EPB41L1: variants seen among roughly 807,000 people sequenced by gnomAD.
EPB41L1 encodes the protein erythrocyte membrane protein band 4.1 like 1.
A neutral mutation model predicts 97.8 loss-of-function variants in EPB41L1; 29 were observed. The ratio of observed to expected loss-of-function variants is 0.30; its 90% CI spans 0.22 to 0.40. The LOEUF (loss-of-function observed/expected upper bound fraction) is 0.40, where lower values mean the gene tolerates loss of function less well. Ranked by LOEUF, EPB41L1 falls within the 10% of genes least tolerant of loss-of-function variation. EPB41L1 has a pLI of 1.00. For missense variants in EPB41L1, 812 were observed against 1,162.3 expected, an observed-to-expected ratio of 0.70 and a Z score of 4.38; for synonymous variants, 383 against 459.2, an observed-to-expected ratio of 0.83 and a Z score of 2.12.
intron 2 of EPB41L1, among the ~76,000 whole-genome samples, chr20:36,142,671 A>G (rs572083336): frequency 3.3e-5 from 5 of 152,300 alleles, no homozygotes; most frequent in Non-Finnish European, 4.4e-5. Flanking sequence ...AGGACTTTGC[A>G]AAGAGAGGCC....
At chr20:36,221,201 A>G (rs1305196873) in intron 19 of EPB41L1, among the ~76,000 whole-genome samples, 4 of 152,222 alleles carry the variant, frequency 2.6e-5, no homozygotes, top group Non-Finnish European at 5.9e-5. Context: ...TAACATGCCA[A>G]ACAATTAGGT....
chr20:36,222,068 T>G (rs2063814981), intron 20 of EPB41L1, 124 bp downstream of exon 20: 2 of 1,149,402 alleles, frequency 1.7e-6, no homozygotes, highest in Admixed American at 1.7e-5. Context: ...CTGACCCTGT[T>G]CAGATAAGAA....
chr20:36,207,697 T>C lies in EPB41L1; in HGVS notation c.1669-1791T>C, dbSNP rs1445233555. 3 of 1,289,964 alleles carry C rather than the reference T, an allele frequency of 2.3e-6. No homozygotes were observed. 79.9% of individuals were successfully genotyped at this position (1,289,964 alleles called of 1,614,324 possible). A position where few individuals can be genotyped will look rare whatever the true frequency, so the allele number is the denominator to read the frequency against. The stretch of plus-strand genomic sequence containing the variant: ...CTTCAGGGAGGACACTTCTGCATCC[T>C]ACCAGGAAGCACACACGGAACTAGA... On this transcript the variant is annotated intron_variant, in intron 14 of 21. Coordinates refer to ENST00000338074, the MANE Select transcript of EPB41L1 (RefSeq NM_012156.2). The surrounding 1 kb of genome is among the most constrained non-coding windows in gnomAD (Gnocchi z 4.9).
At chr20:36,182,478 A>G in intron 6 of EPB41L1, 131 bp downstream of exon 6, 1 of 943,580 alleles carries the variant, frequency 1.1e-6, no homozygotes, top group Non-Finnish European at 1.7e-6. Flanking sequence ...TCAGGCAGAC[A>G]GCATCGTACA....
chr20:36,140,250 T>A (rs866073824), intron 2 of EPB41L1, among the ~76,000 whole-genome samples: 4 of 149,704 alleles, frequency 2.7e-5, no homozygotes, highest in African/African-American at 7.4e-5. Flanking sequence ...TTTTTTTTTT[T>A]AGTAGGGATG....
intron 1 of EPB41L1, among the ~76,000 whole-genome samples, chr20:36,096,637 C>T (rs1379531438): frequency 6.6e-6 from 1 of 152,204 alleles, no homozygotes; most frequent in Non-Finnish European, 1.5e-5. Flanking sequence ...GGGCCTTTGC[C>T]AACTCTCTAG....
rs1245311580 is a variant in EPB41L1, at chr20:36,194,446, C to T, written c.1449+86C>T. The T allele has an allele frequency of 2.1e-5, 32 of 1,514,284 alleles. No homozygotes were observed. In the South Asian group the frequency reaches 2.8e-4, roughly 13 times the overall value. The allele number at this position is 1,514,284 out of a possible 1,614,324, so 93.8% of individuals were successfully genotyped here. On this transcript the variant is annotated intron_variant, in intron 12 of 21. Transcript: ENST00000338074. ...AGCCTCGGCCTTGACCTTCACATGC[C>T]TCCAGCTGTGGCCAAGCACCCTTAC...
chr20:36,102,036 C>CAAAACAAAACAAAAAAAAACA (rs145505987), intron 1 of EPB41L1, among the ~76,000 whole-genome samples: 128 of 148,812 alleles, frequency 8.6e-4, no homozygotes, highest in African/African-American at 2.9e-3. Flanking sequence ...CAAAACAAAA[C>CAAAACAAAACAAAAAAAAACA]AAAAAAAACA....
intron 17 of EPB41L1, among the ~76,000 whole-genome samples, chr20:36,215,772 A>G (rs141576036): frequency 7.9e-5 from 12 of 152,312 alleles, no homozygotes; most frequent in South Asian, 6.2e-4. Context: ...TCTGCCTGGT[A>G]TGGGGGATAC....
At chr20:36,177,930 G>C in intron 3 of EPB41L1, 22 bp from the exon 4 acceptor site, 1 of 1,603,446 alleles carries the variant, frequency 6.2e-7, no homozygotes, top group South Asian at 1.1e-5. Context: ...CAGCCTCATA[G>C]CTGCTCTGCT....
intron 1 of EPB41L1, among the ~76,000 whole-genome samples, chr20:36,094,167 T>C (rs937162620): frequency 6.6e-6 from 1 of 152,202 alleles, no homozygotes; most frequent in African/African-American, 2.4e-5. Context: ...ACAGTGAAAA[T>C]GTATCTCTTG....
In EPB41L1 at chr20:36,158,997, C is replaced by T. The variant is rs560960503; in HGVS notation, c.-15+4101C>T. On this transcript the variant is annotated intron_variant, in intron 1 of 21. Transcript: ENST00000338074. Reference sequence around the variant, plus strand: ...CGTATGATCCACAGGAGAGGGTGGACGTGATCTTACAGGAGAAACCTTAAC... The same window carrying T: ...CGTATGATCCACAGGAGAGGGTGGATGTGATCTTACAGGAGAAACCTTAAC... Among the ~76,000 whole-genome samples the T allele has an allele frequency of 1.1e-4, 16 of 152,198 alleles. No individual in the cohort carries two copies. In the South Asian group the frequency reaches 2.5e-3, roughly 24 times the overall value.
chr20:36,105,726 T>A (rs2056585637), intron 1 of EPB41L1, among the ~76,000 whole-genome samples: 1 of 152,154 alleles, frequency 6.6e-6, no homozygotes, highest in South Asian at 2.1e-4. Flanking sequence ...CAAATGCCCC[T>A]AGCCCCAGAT....
chr20:36,094,487 GAGA>G (rs1231842834), intron 1 of EPB41L1, among the ~76,000 whole-genome samples: 4 of 152,194 alleles, frequency 2.6e-5, no homozygotes, highest in Non-Finnish European at 5.9e-5. Context: ...ATTGTTCAGA[GAGA>G]AGGATATCCA....
chr20:36,124,483 T>C (rs1344011685), intron 2 of EPB41L1, among the ~76,000 whole-genome samples: 1 of 152,170 alleles, frequency 6.6e-6, no homozygotes, highest in African/African-American at 2.4e-5. Flanking sequence ...AGGAGTCTTC[T>C]CTGTTCATTT....
intron 6 of EPB41L1, among the ~76,000 whole-genome samples, chr20:36,183,825 T>G (rs1254405117): frequency 6.6e-6 from 1 of 152,124 alleles, no homozygotes; most frequent in Non-Finnish European, 1.5e-5. Flanking sequence ...TGATTCTGAG[T>G]CTATGCCTTG....
intron 2 of EPB41L1, among the ~76,000 whole-genome samples, chr20:36,137,738 G>A (rs889330857): frequency 1.3e-5 from 2 of 152,034 alleles, no homozygotes; most frequent in Non-Finnish European, 2.9e-5. Context: ...TGGCCAGGCT[G>A]GTCACAAACT....
intron 1 of EPB41L1, among the ~76,000 whole-genome samples, chr20:36,156,815 G>C (rs1212277447): frequency 1.3e-5 from 2 of 152,146 alleles, no homozygotes; most frequent in African/African-American, 4.8e-5. Flanking sequence ...GTTCTGGCCT[G>C]AGCCTCCAGG....
Position 36,188,581 on chromosome 20 carries a change from AACACACACACACAC to A in EPB41L1, c.1026+130_1026+143del, listed in dbSNP as rs55990020. The A allele has an allele frequency of 1.3e-3, 614 of 467,118 alleles. 9 individuals are homozygous for A. The highest frequency in any genetic ancestry group is 0.011 in the East Asian group (134 of 12,652). 28.9% of individuals were successfully genotyped at this position (467,118 alleles called of 1,614,324 possible). A position where few individuals can be genotyped will look rare whatever the true frequency, so the allele number is the denominator to read the frequency against. On this transcript the variant is annotated intron_variant, in intron 9 of 21. Transcript: ENST00000338074. ...CCCTGGCAGCTGGGCCTGGACTGCC[AACACACACACACAC>A]ACACACACACACACACACACACACA...
Sources: allele counts gnomAD v4.1 joint callset (sites outside exome capture counted in the v4.1 genomes callset), GRCh38; gene constraint gnomAD v4.1.1; non-coding constraint Gnocchi (gnomAD v3.1); transcripts MANE v1.5; gene names NCBI Gene and HGNC (gene_info 2026-07-23, HGNC 2026-07-21).